Variants in KLRF1 observed in about 807,000 individuals in gnomAD.
KLRF1 encodes killer cell lectin-like receptor subfamily F member 1.
In KLRF1, 27 loss-of-function variants were observed where a neutral mutation model predicts 30.7. The observed-to-expected ratio is 0.88, with a 90% CI of 0.65 to 1.21. The LOEUF is 1.21. KLRF1 is among the 50% of genes most tolerant of loss of function. The pLI is 0.00. For missense variants in KLRF1, 246 were observed against 259.3 expected, an observed-to-expected ratio of 0.95 and a Z score of 0.35; for synonymous variants, 92 against 89.3, an observed-to-expected ratio of 1.03 and a Z score of -0.17.
upstream of KLRF1, among the ~76,000 whole-genome samples, chr12:9,827,208 C>A (rs1257315627): frequency 2.0e-5 from 3 of 152,038 alleles, no homozygotes; most frequent in Admixed American, 1.3e-4. Flanking sequence ...ATATTATTAA[C>A]CTCACCTCAA....
At chr12:9,815,502 A>T in the KLRF1 span, among the ~76,000 whole-genome samples, 1 of 152,230 alleles carries the variant, frequency 6.6e-6, no homozygotes, top group Admixed American at 6.5e-5. Context: ...CTGTCAGCAG[A>T]TACCACTTGA....
At chr12:9,812,690 T>G in the KLRF1 span, among the ~76,000 whole-genome samples, 1 of 152,350 alleles carries the variant, frequency 6.6e-6, no homozygotes, top group East Asian at 1.9e-4. Context: ...ACAGGGAGTC[T>G]GTTTCATGTT....
chr12:9,813,826 C>T, the KLRF1 span, among the ~76,000 whole-genome samples: 1 of 152,132 alleles, frequency 6.6e-6, no homozygotes, highest in African/African-American at 2.4e-5. Flanking sequence ...CTCCTGCAGT[C>T]GTAGCCATGG....
At chr12:9,830,401 GA>G (rs1459049296) in intron 1 of KLRF1, among the ~76,000 whole-genome samples, 2 of 151,778 alleles carry the variant, frequency 1.3e-5, no homozygotes, top group Admixed American at 6.6e-5. Context: ...CCTGTAATTA[GA>G]ATATTTTTCT....
At chr12:9,835,312 G>C (rs1408404624) in intron 3 of KLRF1, among the ~76,000 whole-genome samples, 2 of 152,068 alleles carry the variant, frequency 1.3e-5, no homozygotes, top group African/African-American at 4.8e-5. Flanking sequence ...AGTGCTGAAA[G>C]GGGTGTCTTG....
chr12:9,842,295 C>T (rs755608363), intron 4 of KLRF1, 26 bp from the exon 5 acceptor site: 1 of 1,604,426 alleles, frequency 6.2e-7, no homozygotes, highest in Non-Finnish European at 8.5e-7. Flanking sequence ...ATATTTTGTT[C>T]ATTTAGTCCC....
At chr12:9,825,414 G>C (rs1313906349), upstream of KLRF1, among the ~76,000 whole-genome samples, 1 of 152,120 alleles carries the variant, frequency 6.6e-6, no homozygotes, top group Non-Finnish European at 1.5e-5. Flanking sequence ...ATGGGAAAAG[G>C]ATTCCCTTTT....
rs35443913 is a variant in KLRF1 at position 9,833,901 on chromosome 12, C to CTTTTTTTT, written c.334+467_334+474dup. Among the ~76,000 whole-genome samples the CTTTTTTTT allele has an allele frequency of 2.6e-3, 216 of 82,392 alleles. 12 individuals carry two copies. The highest frequency in any genetic ancestry group is 1.0e-2 in the African/African-American group (180 of 18,050). 54.1% of individuals were successfully genotyped at this position (82,392 alleles called of 152,430 possible). A position where few individuals can be genotyped will look rare whatever the true frequency, so the allele number is the denominator to read the frequency against. On this transcript the variant is annotated intron_variant, in intron 3 of 5. Transcript: ENST00000617889. ...TTACCTTCTATTTTTAAATGTTTAACTTTTTTTTTTTTTTTTTTTTTTTTT... is the reference window on the plus strand; with the variant it reads ...TTACCTTCTATTTTTAAATGTTTAACTTTTTTTTTTTTTTTTTTTTTTTTTTTTTTTTT...
At chr12:9,806,825 C>G in the KLRF1 span, among the ~76,000 whole-genome samples, 1 of 151,960 alleles carries the variant, frequency 6.6e-6, no homozygotes, top group Non-Finnish European at 1.5e-5. Flanking sequence ...AGACGACAGG[C>G]ACATGCCACT....
the KLRF1 span, among the ~76,000 whole-genome samples, chr12:9,800,928 C>A: frequency 1.3e-5 from 2 of 152,066 alleles, no homozygotes; most frequent in East Asian, 1.9e-4. Flanking sequence ...ATTGCTGCAC[C>A]TATCAACCCA....
At chr12:9,816,924 G>A in the KLRF1 span, among the ~76,000 whole-genome samples, 1 of 151,638 alleles carries the variant, frequency 6.6e-6, no homozygotes, top group Non-Finnish European at 1.5e-5. Flanking sequence ...TATTAGAGAT[G>A]GGGTTTCACC....
intron 3 of KLRF1, among the ~76,000 whole-genome samples, chr12:9,837,181 A>G (rs999246685): frequency 1.3e-5 from 2 of 151,978 alleles, no homozygotes; most frequent in Admixed American, 1.3e-4. Context: ...GGATTTACCT[A>G]TTCTGGATTT....
At chr12:9,816,038 G>C in the KLRF1 span, among the ~76,000 whole-genome samples, 3 of 152,092 alleles carry the variant, frequency 2.0e-5, no homozygotes, top group Admixed American at 6.5e-5. Context: ...GGCTGGTCTC[G>C]AACTCCTGAT....
At chr12:9,808,968 G>C in the KLRF1 span, among the ~76,000 whole-genome samples, 1 of 152,008 alleles carries the variant, frequency 6.6e-6, no homozygotes, top group East Asian at 1.9e-4. Context: ...AGAATGTTTT[G>C]CATTTCATTC....
chr12:9,802,031 C>A, the KLRF1 span, among the ~76,000 whole-genome samples: 3 of 151,680 alleles, frequency 2.0e-5, no homozygotes, highest in East Asian at 5.8e-4. Context: ...AGAGACACAA[C>A]AAAAAAAGAA....
intron 3 of KLRF1, among the ~76,000 whole-genome samples, chr12:9,834,121 AC>A (rs1034611274): frequency 1.3e-5 from 2 of 148,468 alleles, no homozygotes; most frequent in African/African-American, 5.2e-5. Flanking sequence ...TTTTTGAGCC[AC>A]GATGAGCCAG....
At chr12:9,802,033 A>G in the KLRF1 span, among the ~76,000 whole-genome samples, 1 of 152,028 alleles carries the variant, frequency 6.6e-6, no homozygotes, top group Admixed American at 6.6e-5. Flanking sequence ...AGACACAACA[A>G]AAAAAGAAAA....
the KLRF1 span, among the ~76,000 whole-genome samples, chr12:9,806,665 C>G: frequency 1.3e-5 from 2 of 151,950 alleles, no homozygotes; most frequent in African/African-American, 4.8e-5. Flanking sequence ...CTGTGTGTCT[C>G]AAGTCATTTT....
chr12:9,836,427 A>G (rs1052770102), intron 3 of KLRF1, among the ~76,000 whole-genome samples: 1 of 152,092 alleles, frequency 6.6e-6, no homozygotes, highest in African/African-American at 2.4e-5. Context: ...CCAAACCGCC[A>G]GTCTTAACTC....
Sources: allele counts gnomAD v4.1 joint callset (sites outside exome capture counted in the v4.1 genomes callset), GRCh38; gene constraint gnomAD v4.1.1; transcripts MANE v1.5; gene names NCBI Gene and HGNC (gene_info 2026-07-23, HGNC 2026-07-21).